SPTBN1: variants seen among roughly 807,000 people sequenced by gnomAD.
SPTBN1 encodes the protein spectrin beta, non-erythrocytic 1, also known as spectrin beta chain, non-erythrocytic 1.
Under a neutral mutation model 266.4 loss-of-function variants are expected in SPTBN1, and 32 were observed. The ratio of observed to expected loss-of-function variants is 0.12; its 90% CI spans 0.09 to 0.16. The LOEUF is 0.16. Among genes scored for constraint, SPTBN1 ranks in the 10% least tolerant of loss-of-function variants. SPTBN1 has a pLI of 1.00. For synonymous variants in SPTBN1, 1,336 were observed against 1,162.2 expected (o/e 1.15, Z -3.04); for missense variants, 2,296 against 3,067.1 (o/e 0.75, Z 5.94).
chr2:54,467,033 C>T (rs1185635867), intron 1 of SPTBN1, among the ~76,000 whole-genome samples: 1 of 151,818 alleles, frequency 6.6e-6, no homozygotes, highest in Non-Finnish European at 1.5e-5. Context: ...AAACATTGTC[C>T]AGGAGGAATC....
chr2:54,608,296 A>T (rs1178824879), intron 3 of SPTBN1, among the ~76,000 whole-genome samples: 2 of 152,224 alleles, frequency 1.3e-5, no homozygotes, highest in Non-Finnish European at 1.5e-5. Context: ...CAAAATTATA[A>T]TGATGAGTTC....
intron 2 of SPTBN1, among the ~76,000 whole-genome samples, chr2:54,546,979 A>C (rs1171600000): frequency 6.6e-6 from 1 of 151,456 alleles, no homozygotes; most frequent in African/African-American, 2.4e-5. Flanking sequence ...AAAAAACCAC[A>C]TAACATAAGG....
At chr2:54,595,975 G>T (rs995633368) in intron 2 of SPTBN1, among the ~76,000 whole-genome samples, 1 of 149,712 alleles carries the variant, frequency 6.7e-6, no homozygotes, top group Non-Finnish European at 1.5e-5. Flanking sequence ...AACCAAACCA[G>T]TATGGAGCTT....
intron 4 of SPTBN1, among the ~76,000 whole-genome samples, chr2:54,615,849 A>C (rs963670436): frequency 2.6e-5 from 4 of 152,200 alleles, no homozygotes; most frequent in Non-Finnish European, 4.4e-5. Context: ...GTTTACTTAC[A>C]AAAAAACCGA....
intron 1 of SPTBN1, among the ~76,000 whole-genome samples, chr2:54,513,385 G>C (rs1669954921): frequency 6.6e-6 from 1 of 152,030 alleles, no homozygotes; most frequent in Non-Finnish European, 1.5e-5. Flanking sequence ...GATTTGCAGA[G>C]GATTTTGGCA....
Position 54,465,639 on chromosome 2 carries a change from C to CATATATATAT in SPTBN1, c.-48+9142_-48+9151dup, listed in dbSNP as rs70944167. 6.7e-3 allele frequency among the ~76,000 whole-genome samples: 781 copies of CATATATATAT among 116,242 alleles called. 6 individuals carry two copies. The highest frequency in any genetic ancestry group is 0.016 in the Middle Eastern group (4 of 252). The allele number at this position is 116,242 out of a possible 152,430, so 76.3% of individuals were successfully genotyped here. ...TGATGCATACATATCATGTTTATCT[C>CATATATATAT]ATATATATATATATATATATATATA... On this transcript the variant is annotated intron_variant, in intron 1 of 35. Coordinates refer to ENST00000356805, the MANE Select transcript of SPTBN1 (RefSeq NM_003128.3).
intron 2 of SPTBN1, among the ~76,000 whole-genome samples, chr2:54,577,549 A>T (rs1345685238): frequency 3.9e-5 from 6 of 152,210 alleles, no homozygotes; most frequent in Admixed American, 3.9e-4. Flanking sequence ...TGATAATGGT[A>T]ATAGCCACCA....
At chr2:54,523,707 G>A (rs773282953) in intron 1 of SPTBN1, among the ~76,000 whole-genome samples, 6 of 152,154 alleles carry the variant, frequency 3.9e-5, no homozygotes, top group Non-Finnish European at 8.8e-5. Context: ...TTGTGTGGTG[G>A]CATATGTGAG....
intron 2 of SPTBN1, among the ~76,000 whole-genome samples, chr2:54,576,604 C>A (rs56951671): frequency 0.047 from 7,208 of 152,164 alleles, 619 homozygotes; most frequent in African/African-American, 0.16. Context: ...AATGGAGTAG[C>A]ATGTACCTCT....
At chr2:54,611,108 A>G (rs1027526332) in intron 3 of SPTBN1, among the ~76,000 whole-genome samples, 4 of 152,190 alleles carry the variant, frequency 2.6e-5, no homozygotes, top group Non-Finnish European at 5.9e-5. Context: ...ATAATTTTTA[A>G]TTTTATGACA....
intron 2 of SPTBN1, among the ~76,000 whole-genome samples, chr2:54,556,296 C>T (rs540206264): frequency 1.2e-3 from 188 of 152,304 alleles, no homozygotes; most frequent in African/African-American, 4.3e-3. Flanking sequence ...CCAAACCTTT[C>T]TAATACTTGC....
intron 2 of SPTBN1, among the ~76,000 whole-genome samples, chr2:54,559,678 T>C (rs942062179): frequency 1.3e-5 from 2 of 152,162 alleles, no homozygotes; most frequent in African/African-American, 4.8e-5. Flanking sequence ...GCCAGCAGTG[T>C]CTCAGAGCTT....
Position 54,661,056 on chromosome 2 carries a change from C to T in SPTBN1, c.6420+1057C>T, listed in dbSNP as rs141181082. The T allele has an allele frequency of 6.1e-6, 6 of 985,408 alleles. No homozygotes were observed. In the African/African-American group the frequency reaches 7.0e-5, roughly 11 times the overall value. 61.0% of individuals were successfully genotyped at this position (985,408 alleles called of 1,614,324 possible). On this transcript the variant is annotated intron_variant, in intron 32 of 35. Coordinates refer to ENST00000356805, the MANE Select transcript of SPTBN1 (RefSeq NM_003128.3). ...CTGGGAGCGCTCGCATGCCCCCTGG[C>T]TTCAGAAGTCATGTCAGTGTCTCTG...
In SPTBN1 at chr2:54,630,915, C is replaced by T. The variant is rs756323111; in HGVS notation, c.2868C>T (p.Ser956=). 1 of 1,613,330 alleles carries T rather than the reference C, an allele frequency of 6.2e-7. No homozygotes were observed. Among genetic ancestry groups the T allele is most frequent in the Non-Finnish European group, 8.5e-7 (1 of 1,179,598 alleles). The part of the protein sequence containing the change: ...RKKDALLSAL[S]IQNYHLECNE... ...AGGATGCCCTCCTGTCTGCCCTGAG[C>T]ATCCAGAACTACCACCTCGAGTGCA... The change falls in exon 16 of 36, where the codon AGC becomes AGT. Residue 956 remains serine (S), a synonymous_variant. Transcript: ENST00000356805.
Position 54,657,847 on chromosome 2 carries a change from C to T in SPTBN1, c.6047-3C>T, listed in dbSNP as rs567540084. On this transcript the variant is annotated splice_polypyrimidine_tract_variant and splice_region_variant and intron_variant, in intron 29 of 35. Transcript: ENST00000356805. ...GTGTACTAACTCATGGTACCCTGTG[C>T]AGTTCTGGAGGTCCATCAGTTCTCA... 5.0e-6 allele frequency: 8 copies of T among 1,614,144 alleles called. No individual in the cohort carries two copies. The South Asian group carries it at 6.6e-5, about 13-fold the overall frequency.
At chr2:54,651,138 T>G (rs1407183604) in intron 26 of SPTBN1, among the ~76,000 whole-genome samples, 1 of 152,188 alleles carries the variant, frequency 6.6e-6, no homozygotes, top group Admixed American at 6.5e-5. Context: ...TATCTAGAGA[T>G]AGAATTAGAA....
rs571241662 is a variant in SPTBN1 at position 54,645,753 on chromosome 2, T to C, written c.4495-175T>C. ...GAGGATGAGGTAGAGTTGGAAAGAC[T>C]CTCCCTAGCCCTGTCTCGGAGAACA... On this transcript the variant is annotated intron_variant, in intron 21 of 35. Coordinates refer to ENST00000356805, the MANE Select transcript of SPTBN1 (RefSeq NM_003128.3). This position sits in a 1 kb window ranked among gnomAD's most constrained non-coding sequence, Gnocchi z 4.3. 6.6e-6 allele frequency among the ~76,000 whole-genome samples: 1 copy of C among 152,222 alleles called. No homozygotes were observed. The highest frequency in any genetic ancestry group is 6.5e-5 in the Admixed American group (1 of 15,292).
intron 28 of SPTBN1, among the ~76,000 whole-genome samples, chr2:54,655,451 C>T (rs1340875888): frequency 6.6e-6 from 1 of 152,230 alleles, no homozygotes; most frequent in African/African-American, 2.4e-5. Flanking sequence ...GCATCCTCCC[C>T]AATCAGTACT....
At chr2:54,492,632 G>A (rs1668752554) in intron 1 of SPTBN1, among the ~76,000 whole-genome samples, 1 of 152,128 alleles carries the variant, frequency 6.6e-6, no homozygotes, top group Admixed American at 6.5e-5. Flanking sequence ...TACTGAAAAG[G>A]TTTGCTTCTG....
Sources: allele counts gnomAD v4.1 joint callset (sites outside exome capture counted in the v4.1 genomes callset), GRCh38; gene constraint gnomAD v4.1.1; non-coding constraint Gnocchi (gnomAD v3.1); transcripts MANE v1.5; gene names NCBI Gene and HGNC (gene_info 2026-07-23, HGNC 2026-07-21).